The following HIPK4 variants were observed in gnomAD, a reference collection of about 807,000 sequenced individuals.
The protein encoded by HIPK4 is homeodomain interacting protein kinase 4.
Under a neutral mutation model 44.8 loss-of-function variants are expected in HIPK4, and 26 were observed. The ratio of observed to expected loss-of-function variants is 0.58; its 90% CI spans 0.43 to 0.80. HIPK4 has a LOEUF of 0.80. HIPK4 is among the 30% of genes least tolerant of loss of function. The pLI is 0.00. For missense variants in HIPK4, 729 were observed against 862.6 expected (o/e 0.85, Z 1.94); for synonymous variants, 340 against 355.5 (o/e 0.96, Z 0.49).
chr19:40,387,456 G>A (rs910177783), intron 1 of HIPK4, among the ~76,000 whole-genome samples: 2 of 152,048 alleles, frequency 1.3e-5, no homozygotes, highest in Admixed American at 6.6e-5. Flanking sequence ...CTGAATCTCC[G>A]TGACTCTCTC....
At position 40,389,982 on chromosome 19, in the gene HIPK4, T is replaced by C. The variant is rs959509234; in HGVS notation, c.-80A>G. 2 of 1,130,650 alleles carry C rather than the reference T, an allele frequency of 1.8e-6. No homozygotes were observed. The highest frequency in any genetic ancestry group is 1.5e-5 in the African/African-American group (1 of 64,972). The allele number at this position is 1,130,650 out of a possible 1,614,324, so 70.0% of individuals were successfully genotyped here. ...CCGCCCAGGCCTCCCGCCTGGCTGCTGACACAGCAGGCCCCCCAGTGGGGG... is the reference window on the plus strand; with the variant it reads ...CCGCCCAGGCCTCCCGCCTGGCTGCCGACACAGCAGGCCCCCCAGTGGGGG... On this transcript the variant is annotated 5_prime_UTR_variant, in exon 1 of 4. Transcript: ENST00000291823. This position sits in a 1 kb window ranked among gnomAD's most constrained non-coding sequence, Gnocchi z 4.6.
At chr19:40,383,186 G>A (rs1210698007) in intron 2 of HIPK4, among the ~76,000 whole-genome samples, 2 of 143,396 alleles carry the variant, frequency 1.4e-5, no homozygotes, top group African/African-American at 5.1e-5. Context: ...GGGTTCAAGC[G>A]ATTCTCCTGC....
chr19:40,386,367 T>G (rs958838326), intron 1 of HIPK4, among the ~76,000 whole-genome samples: 8 of 152,054 alleles, frequency 5.3e-5, no homozygotes, highest in Non-Finnish European at 8.8e-5. Flanking sequence ...CTTTTTTCCT[T>G]TTTAGAGACA....
Position 40,382,939 on chromosome 19 carries a change from C to G in HIPK4, c.822+844G>C, listed in dbSNP as rs532509910. Among the ~76,000 whole-genome samples, 45 of 150,978 alleles carry G rather than the reference C, an allele frequency of 3.0e-4. 1 individual carries two copies. The South Asian group carries it at 8.6e-3, about 29-fold the overall frequency. ...GTGGGTGCCTGTAAGCCCAGCTACT[C>G]AGGAGGCTGAGGCAGGAGAATCTCT... On this transcript the variant is annotated intron_variant, in intron 2 of 3. Transcript: ENST00000291823.
chr19:40,385,206 T>C (rs1157777067), intron 1 of HIPK4, among the ~76,000 whole-genome samples: 1 of 152,198 alleles, frequency 6.6e-6, no homozygotes, highest in Admixed American at 6.5e-5. Context: ...CTAGTCTGTC[T>C]GTCACAAGCA....
Position 40,390,111 on chromosome 19 carries a change from T to C in HIPK4, c.-209A>G, listed in dbSNP as rs1031900536. The C allele has an allele frequency of 1.7e-6, 1 of 578,916 alleles. No homozygotes were observed. The highest frequency in any genetic ancestry group is 3.1e-6 in the Non-Finnish European group (1 of 324,356). The allele number at this position is 578,916 out of a possible 1,614,324, so 35.9% of individuals were successfully genotyped here. A position where few individuals can be genotyped will look rare whatever the true frequency, so the allele number is the denominator to read the frequency against. On this transcript the variant is annotated 5_prime_UTR_variant, in exon 1 of 4. Transcript: ENST00000291823. ...GTCAGTCTGCCAGGGGCTGCACCCC[T>C]CCCCAGAAACCCTCCTGGCTTGGGA... is the stretch of plus-strand genomic sequence containing the variant.
Position 40,379,413 on chromosome 19 carries a change from A to G in HIPK4, c.*174T>C. 1.7e-6 allele frequency: 1 copy of G among 597,838 alleles called. No homozygotes were observed. Among genetic ancestry groups the G allele is most frequent in the African/African-American group, 1.9e-5 (1 of 52,120 alleles). The allele number at this position is 597,838 out of a possible 1,614,324, so 37.0% of individuals were successfully genotyped here. The stretch of plus-strand genomic sequence containing the variant: ...TCCAAAGCCCTGCTGTGTTTAGGAG[A>G]GGTGTGCAGGCACGCACCGCACCGC... On this transcript the variant is annotated 3_prime_UTR_variant, in exon 4 of 4. Transcript: ENST00000291823.
Position 40,380,835 on chromosome 19 carries a change from C to T in HIPK4, c.1156G>A (p.Ala386Thr), listed in dbSNP as rs56365273. 18,606 of 1,610,310 alleles carry T rather than the reference C, an allele frequency of 0.012. 1,288 individuals carry two copies. The Admixed American group carries it at 0.19, about 16-fold the overall frequency. Residue 386 changes from alanine to threonine, a missense_variant, in exon 3 of 4, where the codon GCA (alanine) becomes ACA (threonine). Ala to Thr is a moderately conservative substitution (Grantham distance 58). This residue lies in a region of HIPK4 where 533 missense variants were observed against 567.5 expected (regional missense o/e 0.94). Coordinates refer to ENST00000291823, the MANE Select transcript of HIPK4 (RefSeq NM_144685.5). This position sits in a 1 kb window ranked among gnomAD's most constrained non-coding sequence, Gnocchi z 4.2. ...EGKPPTPVVAAEDGTPYYCLA... is the reference protein window; with the variant it reads ...EGKPPTPVVATEDGTPYYCLA... ...CAGTAGTAGGGGGTCCCATCTTCTGCGGCCACGACGGGCGTGGGGGGCTTC... is the reference window on the plus strand; with the variant it reads ...CAGTAGTAGGGGGTCCCATCTTCTGTGGCCACGACGGGCGTGGGGGGCTTC...
chr19:40,381,236 T>C, intron 2 of HIPK4, 68 bp from the exon 3 acceptor site: 1 of 1,294,128 alleles, frequency 7.7e-7, no homozygotes, highest in Non-Finnish European at 1.1e-6. Context: ...GCACTCCTGC[T>C]GTGGCACCCA....
At chr19:40,381,199 G>C in intron 2 of HIPK4, 31 bp from the exon 3 acceptor site, 1 of 1,561,078 alleles carries the variant, frequency 6.4e-7, no homozygotes. Flanking sequence ...GGGCAGGGTT[G>C]ACCATTGTGC....
At position 40,380,265 on chromosome 19, in the gene HIPK4, G is replaced by A; in HGVS notation, c.1668+58C>T. On this transcript the variant is annotated intron_variant, in intron 3 of 3. Transcript: ENST00000291823. This position sits in a 1 kb window ranked among gnomAD's most constrained non-coding sequence, Gnocchi z 4.2. Reference sequence around the variant, plus strand: ...CACACTAATCATATCCTGAGCACGGGTGAGTGTGTGCTGAGCCTCCTCCCA... The same window carrying A: ...CACACTAATCATATCCTGAGCACGGATGAGTGTGTGCTGAGCCTCCTCCCA... 1.3e-6 allele frequency: 2 copies of A among 1,568,606 alleles called. No individual in the cohort carries two copies. The highest frequency in any genetic ancestry group is 1.7e-6 in the Non-Finnish European group (2 of 1,154,968).
chr19:40,379,734 A>T lies in HIPK4; in HGVS notation c.1704T>A (p.Cys568Ter), dbSNP rs1468671999. The change falls in exon 4 of 4, where the codon TGT becomes TGA. Residue 568 changes from cysteine (C) to a stop codon, truncating the protein, a stop_gained. Transcript: ENST00000291823. LOFTEE classifies it high-confidence loss of function. ...PDPELFDPSS[C>*]PGEWLSEPDC... ...CTGGCTCACTCAGCCATTCTCCAGGACAGCTGCTGGGGTCGAAGAGCTCAG... is the reference window on the plus strand; with the variant it reads ...CTGGCTCACTCAGCCATTCTCCAGGTCAGCTGCTGGGGTCGAAGAGCTCAG... 1.2e-6 allele frequency: 2 copies of T among 1,612,118 alleles called. No individual in the cohort carries two copies. The highest frequency in any genetic ancestry group is 1.7e-6 in the Non-Finnish European group (2 of 1,179,478).
At position 40,380,645 on chromosome 19, in the gene HIPK4, G is replaced by C; in HGVS notation, c.1346C>G (p.Ala449Gly). 1 of 1,613,746 alleles carries C rather than the reference G, an allele frequency of 6.2e-7. No homozygotes were observed. The highest frequency in any genetic ancestry group is 8.5e-7 in the Non-Finnish European group (1 of 1,179,924). ...HGLWGETCTN[A>G]VSDMMVPLKA... ...GAGGGGGACCATCATGTCGGAGACC[G>C]CATTGGTGCAGGTCTCACCCCACAG... The change falls in exon 3 of 4, where the codon GCG becomes GGG. Residue 449 changes from alanine (A) to glycine (G), a missense_variant. Physicochemically the swap from Ala to Gly is moderately conservative, Grantham distance 60. Coordinates refer to ENST00000291823, the MANE Select transcript of HIPK4 (RefSeq NM_144685.5). This position sits in a 1 kb window ranked among gnomAD's most constrained non-coding sequence, Gnocchi z 4.2.
rs1387617697 is a variant in HIPK4, at chr19:40,384,054, G to C, written c.551C>G (p.Pro184Arg). Residue 184 changes from proline (P) to arginine (R), a missense_variant, in exon 2 of 4, where the codon CCT becomes CGT. Coordinates refer to ENST00000291823, the MANE Select transcript of HIPK4 (RefSeq NM_144685.5). ...GAAGGGCAGCCCCAGCAGGATCTCA[G>C]GGGCCCGGTAGAAGCGCGACTGGAT... ...PYIQSRFYRA[P>R]EILLGLPFCE... is the part of the protein sequence containing the mutation. The C allele has an allele frequency of 6.2e-7, 1 of 1,613,714 alleles. No individual in the cohort carries two copies. The highest frequency in any genetic ancestry group is 2.2e-5 in the East Asian group (1 of 44,878).
At position 40,389,546 on chromosome 19, in the gene HIPK4, C is replaced by T; in HGVS notation, c.357G>A (p.Gln119=). The change falls in exon 1 of 4, where the codon CAG becomes CAA. Residue 119 remains glutamine, a synonymous_variant. Transcript: ENST00000291823. This position sits in a 1 kb window ranked among gnomAD's most constrained non-coding sequence, Gnocchi z 4.6. ...TGAGCCGGGCCAGGGCTGTGAGCAC[C>T]TGCAGGGTGACTGTACGGATGTGGC... ...PARHIRTVTL[Q]VLTALARLKE... 6.2e-7 allele frequency: 1 copy of T among 1,613,904 alleles called. No homozygotes were observed. The highest frequency in any genetic ancestry group is 8.5e-7 in the Non-Finnish European group (1 of 1,179,978).
Position 40,382,364 on chromosome 19 carries a change from G to A in HIPK4, c.823-1196C>T, listed in dbSNP as rs1012273408. Reference sequence around the variant, plus strand: ...CCTGCCTTGGCCCCCACCAAAGTGCGTGGACTACAGGCATAAGCCACTGCA... The same window carrying A: ...CCTGCCTTGGCCCCCACCAAAGTGCATGGACTACAGGCATAAGCCACTGCA... On this transcript the variant is annotated intron_variant, in intron 2 of 3. Transcript: ENST00000291823. Among the ~76,000 whole-genome samples, 5 of 152,200 alleles carry A rather than the reference G, an allele frequency of 3.3e-5. No homozygotes were observed. The East Asian group carries it at 7.7e-4, about 24-fold the overall frequency.
At chr19:40,385,661 G>A (rs1323945063) in intron 1 of HIPK4, among the ~76,000 whole-genome samples, 1 of 95,446 alleles carries the variant, frequency 1.0e-5, no homozygotes, top group African/African-American at 3.9e-5. Flanking sequence ...CCAGGCCCCT[G>A]TTTTTCTTTT....
In HIPK4 at chr19:40,380,792, T is replaced by A; in HGVS notation, c.1199A>T (p.Glu400Val). 1.9e-6 allele frequency: 3 copies of A among 1,614,130 alleles called. No individual in the cohort carries two copies. The highest frequency in any genetic ancestry group is 1.7e-5 in the Admixed American group (1 of 60,024). Reference protein sequence around the residue: ...TPYYCLAEEKEAAGMGSVAGS... With the variant: ...TPYYCLAEEKVAAGMGSVAGS... The stretch of plus-strand genomic sequence containing the variant: ...GGCCACACTGCCCATACCCGCAGCC[T>A]CCTTCTCCTCAGCCAGACAGTAGTA... The change falls in exon 3 of 4, where the codon GAG becomes GTG. Residue 400 changes from glutamate (E) to valine (V), a missense_variant. Transcript: ENST00000291823. The surrounding 1 kb of genome is among the most constrained non-coding windows in gnomAD (Gnocchi z 4.2).
Position 40,381,035 on chromosome 19 carries a change from C to T in HIPK4, c.956G>A (p.Ser319Asn), listed in dbSNP as rs893696566. Residue 319 changes from serine to asparagine, a missense_variant, in exon 3 of 4, where the codon AGC becomes AAC. By Grantham distance (46) the Ser-to-Asn change is conservative. Around this residue, in one of 2 missense-constraint regions of HIPK4, gnomAD observed 533 missense variants for 567.5 expected, o/e 0.94. Coordinates refer to ENST00000291823, the MANE Select transcript of HIPK4 (RefSeq NM_144685.5). Reference sequence around the variant, plus strand: ...CATGCGCTTGATCAGCTCCACCATGCTCTTGAGGTCGGCGTGCTCCGCCAG... The same window carrying T: ...CATGCGCTTGATCAGCTCCACCATGTTCTTGAGGTCGGCGTGCTCCGCCAG... ...EALAEHADLK[S>N]MVELIKRMLT... The T allele has an allele frequency of 1.9e-6, 3 of 1,613,454 alleles. No individual in the cohort carries two copies. Among genetic ancestry groups the T allele is most frequent in the Non-Finnish European group, 2.5e-6 (3 of 1,180,036 alleles).
Sources: gnomAD v4.1 joint callset for allele counts (sites outside exome capture counted in the v4.1 genomes callset) on GRCh38, gnomAD v4.1.1 for gene constraint, gnomAD v4.1.1 regional missense constraint, Gnocchi (gnomAD v3.1) non-coding constraint, MANE v1.5 for transcripts, NCBI Gene and HGNC (gene_info 2026-07-23, HGNC 2026-07-21) for gene names.